CNTN1: variants seen among roughly 807,000 people sequenced by gnomAD.
CNTN1 encodes the protein contactin 1, also known as contactin-1.
CNTN1 carries 38 observed loss-of-function variants against 126.4 expected under a neutral mutation model. The ratio of observed to expected loss-of-function variants is 0.30; its 90% CI spans 0.23 to 0.39. The LOEUF (loss-of-function observed/expected upper bound fraction) is 0.39. CNTN1 is among the 10% of genes least tolerant of loss of function. CNTN1 has a pLI of 1.00. For missense variants in CNTN1, 1,009 were observed against 1,248.4 expected (o/e 0.81, Z 2.89); for synonymous variants, 413 against 422.6 (o/e 0.98, Z 0.28).
chr12:41,057,624 C>T (rs1295362430), intron 23 of CNTN1, among the ~76,000 whole-genome samples: 1 of 151,840 alleles, frequency 6.6e-6, no homozygotes, highest in Non-Finnish European at 1.5e-5. Context: ...GATTTTAAAT[C>T]TTATTTGATG....
intron 1 of CNTN1, among the ~76,000 whole-genome samples, chr12:40,745,957 G>GA (rs1419963564): frequency 1.3e-5 from 2 of 151,958 alleles, no homozygotes. Flanking sequence ...GCAAGAGAAG[G>GA]AAAAAAATCA....
At chr12:40,749,120 TTTA>T (rs1364295020) in intron 1 of CNTN1, among the ~76,000 whole-genome samples, 1 of 152,144 alleles carries the variant, frequency 6.6e-6, no homozygotes, top group African/African-American at 2.4e-5. Flanking sequence ...GCACCAATAC[TTTA>T]TTATCTCCCT....
At chr12:40,904,945 C>A (rs1259782184) in intron 1 of CNTN1, among the ~76,000 whole-genome samples, 2 of 152,216 alleles carry the variant, frequency 1.3e-5, no homozygotes, top group Non-Finnish European at 2.9e-5. Flanking sequence ...TTTCAGTCAA[C>A]ATTTTGCATG....
At chr12:40,943,799 C>T in intron 13 of CNTN1, 75 bp downstream of exon 13, 17 of 1,538,296 alleles carry the variant, frequency 1.1e-5, no homozygotes, top group Non-Finnish European at 1.5e-5. Context: ...TCTAAACAGT[C>T]AATGTATTTG....
At chr12:41,043,729 G>T (rs552627993) in intron 23 of CNTN1, among the ~76,000 whole-genome samples, 1 of 152,034 alleles carries the variant, frequency 6.6e-6, no homozygotes, top group Non-Finnish European at 1.5e-5. Flanking sequence ...ATTCCCAATA[G>T]CAAAGACTTG....
chr12:40,869,399 G>A (rs1196832110), intron 1 of CNTN1, among the ~76,000 whole-genome samples: 1 of 151,656 alleles, frequency 6.6e-6, no homozygotes, highest in Non-Finnish European at 1.5e-5. Flanking sequence ...GCCAGAGTAA[G>A]TTTGGACTAC....
chr12:40,745,157 A>G lies in CNTN1; in HGVS notation c.-77+52565A>G, dbSNP rs539052256. Among the ~76,000 whole-genome samples the G allele has an allele frequency of 5.3e-5, 8 of 152,312 alleles. No individual in the cohort carries two copies. The East Asian group carries it at 1.4e-3, about 26-fold the overall frequency. ...AACATTTTCTTCATTTTGTTCTGCC[A>G]AATATCTTCAGAACTAAAATGACTT... On this transcript the variant is annotated intron_variant, in intron 1 of 23. Transcript: ENST00000551295.
intron 1 of CNTN1, among the ~76,000 whole-genome samples, chr12:40,695,521 C>T (rs1483788719): frequency 6.6e-6 from 1 of 151,702 alleles, no homozygotes. Flanking sequence ...TGCCTTATTT[C>T]AAAAAAAATC....
chr12:40,762,699 G>A (rs569562153), intron 1 of CNTN1, among the ~76,000 whole-genome samples: 1 of 152,308 alleles, frequency 6.6e-6, no homozygotes, highest in East Asian at 1.9e-4. Flanking sequence ...CTGAGTCCCT[G>A]CTTTGTGCTA....
intron 7 of CNTN1, among the ~76,000 whole-genome samples, chr12:40,931,048 GC>G (rs1945867077): frequency 6.6e-6 from 1 of 151,476 alleles, no homozygotes; most frequent in Admixed American, 6.6e-5. Context: ...TTCTCCCCTC[GC>G]TCAAGCTAAG....
In CNTN1 at chr12:40,815,161, A is replaced by G. The variant is rs116342573; in HGVS notation, c.-76-93196A>G. ...CTTCTTAGATTCCATATGAAATTTA[A>G]AATAGTATTTTTCTAATTCTGTGAA... On this transcript the variant is annotated intron_variant, in intron 1 of 23. Coordinates refer to ENST00000551295, the MANE Select transcript of CNTN1 (RefSeq NM_001843.4). Among the ~76,000 whole-genome samples the G allele has an allele frequency of 9.4e-3, 1,433 of 152,242 alleles. 20 individuals carry two copies. Among genetic ancestry groups the G allele is most frequent in the African/African-American group, 0.033 (1,357 of 41,538 alleles).
chr12:40,692,894 C>T (rs1941338206), intron 1 of CNTN1, among the ~76,000 whole-genome samples: 1 of 152,188 alleles, frequency 6.6e-6, no homozygotes, highest in South Asian at 2.1e-4. Context: ...CTGCCGCCGC[C>T]AGCGCCGGGA....
chr12:40,945,428 G>T (rs562904615), intron 14 of CNTN1, among the ~76,000 whole-genome samples: 1 of 152,064 alleles, frequency 6.6e-6, no homozygotes, highest in Non-Finnish European at 1.5e-5. Flanking sequence ...CAAAAAGTAG[G>T]CTTCTGAATT....
chr12:40,707,227 C>CTTTTCTTTT (rs1941782316), intron 1 of CNTN1, among the ~76,000 whole-genome samples: 1 of 109,166 alleles, frequency 9.2e-6, no homozygotes, highest in African/African-American at 3.8e-5. Flanking sequence ...TTTTCTTTTT[C>CTTTTCTTTT]TTTTTTTTTT....
In CNTN1 at chr12:41,026,727, A is replaced by T. The variant is rs571368957; in HGVS notation, c.2711-1130A>T. On this transcript the variant is annotated intron_variant, in intron 21 of 23. Coordinates refer to ENST00000551295, the MANE Select transcript of CNTN1 (RefSeq NM_001843.4). ...TGAGTTTGAGTTCTTTCTAAACATG[A>T]TAAGAAGCCATTGAAAGATTTTAAA... 9.8e-5 allele frequency among the ~76,000 whole-genome samples: 15 copies of T among 152,314 alleles called. No individual in the cohort carries two copies. In the South Asian group the frequency reaches 3.1e-3, roughly 32 times the overall value.
At chr12:40,849,451 A>G (rs1306911366) in intron 1 of CNTN1, among the ~76,000 whole-genome samples, 1 of 152,092 alleles carries the variant, frequency 6.6e-6, no homozygotes, top group African/African-American at 2.4e-5. Context: ...ATCATAGTGA[A>G]TCTCTCAACC....
intron 14 of CNTN1, among the ~76,000 whole-genome samples, chr12:40,948,711 C>A (rs999011857): frequency 3.9e-5 from 6 of 152,174 alleles, no homozygotes; most frequent in African/African-American, 1.4e-4. Flanking sequence ...AAATAATTCT[C>A]CCATAAGTAT....
At chr12:40,875,275 G>A (rs1943630848) in intron 1 of CNTN1, among the ~76,000 whole-genome samples, 1 of 151,784 alleles carries the variant, frequency 6.6e-6, no homozygotes, top group African/African-American at 2.4e-5. Context: ...TTTGCCCCAG[G>A]GATACCATCT....
At chr12:40,717,992 A>G (rs1401657480) in intron 1 of CNTN1, among the ~76,000 whole-genome samples, 1 of 152,314 alleles carries the variant, frequency 6.6e-6, no homozygotes, top group East Asian at 1.9e-4. Context: ...TTAAAAGTAG[A>G]TTAAGTTTTA....
Sources: gnomAD v4.1 joint callset for allele counts (sites outside exome capture counted in the v4.1 genomes callset) on GRCh38, gnomAD v4.1.1 for gene constraint, MANE v1.5 for transcripts, NCBI Gene and HGNC (gene_info 2026-07-23, HGNC 2026-07-21) for gene names.